The following ADAMTS20 variants were observed in gnomAD, a reference collection of about 807,000 sequenced individuals.
ADAMTS20 encodes the protein A disintegrin and metalloproteinase with thrombospondin motifs 20.
A neutral mutation model predicts 260.1 loss-of-function variants in ADAMTS20; 225 were observed. The ratio of observed to expected loss-of-function variants is 0.87; its 90% confidence interval spans 0.78 to 0.97. ADAMTS20 has a LOEUF of 0.97. Among genes scored for constraint, ADAMTS20 ranks in the 50% least tolerant of loss-of-function variants. ADAMTS20 has a pLI of 0.00. For missense variants in ADAMTS20, 2,400 were observed against 2,337.7 expected (o/e 1.03, Z -0.55); for synonymous variants, 802 against 769.5 (o/e 1.04, Z -0.70).
chr12:43,389,723 T>C (rs1940558113), intron 29 of ADAMTS20, among the ~76,000 whole-genome samples: 1 of 152,142 alleles, frequency 6.6e-6, no homozygotes, highest in South Asian at 2.1e-4. Flanking sequence ...TTTGTTTTTT[T>C]GCCACTTTAG....
chr12:43,390,743 CT>C, intron 29 of ADAMTS20, among the ~76,000 whole-genome samples: 1 of 152,172 alleles, frequency 6.6e-6, no homozygotes, highest in East Asian at 1.9e-4. Flanking sequence ...TAAGAACATT[CT>C]GTTTGCAACT....
At chr12:43,443,433 A>G (rs1299492710) in intron 16 of ADAMTS20, among the ~76,000 whole-genome samples, 1 of 152,108 alleles carries the variant, frequency 6.6e-6, no homozygotes, top group Non-Finnish European at 1.5e-5. Flanking sequence ...AATTAAGAAA[A>G]TTATTTAAAA....
chr12:43,419,216 G>A (rs1483957731), intron 28 of ADAMTS20, among the ~76,000 whole-genome samples: 1 of 151,978 alleles, frequency 6.6e-6, no homozygotes, highest in Non-Finnish European at 1.5e-5. Flanking sequence ...TGTGTGCAAT[G>A]TATGACTATA....
intron 17 of ADAMTS20, 35 bp from the exon 18 acceptor site, chr12:43,439,786 C>G (rs766120061): frequency 6.4e-7 from 1 of 1,573,404 alleles, no homozygotes; most frequent in Non-Finnish European, 8.6e-7. Context: ...ACAATTAATA[C>G]ATAAAAATAT....
In ADAMTS20 at chr12:43,377,550, A is replaced by G. The variant is rs148024788; in HGVS notation, c.4810T>C (p.Cys1604Arg). ...ATCCTTTGTCTGTAACTAAATCCAC[A>G]GTTGTTTGCACACTGAAAAATACAT... ...TADSSQCANNCGFSYRQRITY... is the reference protein window; with the variant it reads ...TADSSQCANNRGFSYRQRITY... The change falls in exon 32 of 39, where the codon TGT becomes CGT. Residue 1604 changes from cysteine (C) to arginine (R), a missense_variant. Physicochemically the swap from Cys to Arg is radical, Grantham distance 180 (BLOSUM62 -3). Coordinates refer to ENST00000389420, the MANE Select transcript of ADAMTS20 (RefSeq NM_025003.5). 2.8e-5 allele frequency: 45 copies of G among 1,611,708 alleles called. No homozygotes were observed. The highest frequency in any genetic ancestry group is 3.7e-5 in the Non-Finnish European group (44 of 1,178,596).
At chr12:43,357,234 T>C (rs565481020) in intron 37 of ADAMTS20, among the ~76,000 whole-genome samples, 2 of 152,302 alleles carry the variant, frequency 1.3e-5, no homozygotes, top group East Asian at 3.9e-4. Context: ...AATTTTACAG[T>C]ACAGATTTAA....
chr12:43,428,574 A>T, intron 25 of ADAMTS20, 43 bp from the exon 26 acceptor site: 1 of 1,494,874 alleles, frequency 6.7e-7, no homozygotes, highest in Non-Finnish European at 8.9e-7. Context: ...ACATTAATTT[A>T]TATTTAATAT....
In ADAMTS20 at chr12:43,452,363, T is replaced by C; in HGVS notation, c.1990A>G (p.Asn664Asp). 1.9e-6 allele frequency: 3 copies of C among 1,613,410 alleles called. No individual in the cohort carries two copies. The highest frequency in any genetic ancestry group is 2.5e-6 in the Non-Finnish European group (3 of 1,179,608). The part of the protein sequence containing the change: ...CKLYCQVAGT[N>D]YFYLLKDMVE... ...ATATCCTTCAATAGGTAGAAATAAT[T>C]GGTTCCAGCAACCTGACAATAGAGT... Residue 664 changes from asparagine to aspartate, a missense_variant, in exon 14 of 39, where the codon AAT becomes GAT. Asn to Asp is a conservative substitution (Grantham distance 23). Transcript: ENST00000389420.
At chr12:43,476,781 T>A (rs1453069471) in intron 7 of ADAMTS20, among the ~76,000 whole-genome samples, 1 of 138,282 alleles carries the variant, frequency 7.2e-6, no homozygotes. Flanking sequence ...CACTCATAGG[T>A]GGGAATTGAA....
In ADAMTS20 at chr12:43,375,488, A is replaced by C. The variant is rs748576510; in HGVS notation, c.5337T>G (p.Pro1779=). 7 of 1,613,342 alleles carry C rather than the reference A, an allele frequency of 4.3e-6. No homozygotes were observed. The highest frequency in any genetic ancestry group is 5.9e-6 in the Non-Finnish European group (7 of 1,179,524). Residue 1779 remains proline, a synonymous_variant, in exon 36 of 39, where the codon CCT becomes CCG. Coordinates refer to ENST00000389420, the MANE Select transcript of ADAMTS20 (RefSeq NM_025003.5). ...GFRLKNPYQC[P]FNGSRREDCE... Reference sequence around the variant, plus strand: ...AGTCTTCCCTTCTACTCCCATTAAAAGGACATTGATATGGATTTTTTAGTC... The same window carrying C: ...AGTCTTCCCTTCTACTCCCATTAAACGGACATTGATATGGATTTTTTAGTC...
intron 3 of ADAMTS20, among the ~76,000 whole-genome samples, chr12:43,523,448 C>T (rs1335968875): frequency 1.3e-5 from 2 of 151,938 alleles, no homozygotes; most frequent in Non-Finnish European, 2.9e-5. Flanking sequence ...ACTCCCTTGG[C>T]CAGAACCAGG....
intron 29 of ADAMTS20, among the ~76,000 whole-genome samples, chr12:43,396,470 T>G (rs1258102514): frequency 6.6e-6 from 1 of 152,206 alleles, no homozygotes; most frequent in East Asian, 1.9e-4. Flanking sequence ...TGTAGTGCAA[T>G]GACAGCTTGC....
intron 4 of ADAMTS20, 33 bp from the exon 5 acceptor site, chr12:43,493,286 TA>T (rs1479841941): frequency 6.4e-6 from 9 of 1,399,106 alleles, no homozygotes; most frequent in Non-Finnish European, 8.8e-6. Context: ...ATTAGTTGTT[TA>T]AAATGAATAT....
At chr12:43,366,043 G>A (rs1012820217) in intron 37 of ADAMTS20, among the ~76,000 whole-genome samples, 7 of 151,724 alleles carry the variant, frequency 4.6e-5, no homozygotes, top group Non-Finnish European at 1.0e-4. Context: ...CAGACATAGC[G>A]ATAGTGATGT....
intron 18 of ADAMTS20, among the ~76,000 whole-genome samples, chr12:43,438,494 C>A (rs903910514): frequency 5.9e-5 from 9 of 152,186 alleles, no homozygotes; most frequent in Admixed American, 3.3e-4. Flanking sequence ...TTGTATCCCT[C>A]CACTGAGACA....
At chr12:43,462,386 A>G (rs1347873388) in intron 11 of ADAMTS20, among the ~76,000 whole-genome samples, 2 of 152,204 alleles carry the variant, frequency 1.3e-5, no homozygotes, top group Non-Finnish European at 2.9e-5. Context: ...ACAGCTTTAG[A>G]TAAGTTCATG....
rs140047239 is a variant in ADAMTS20 at position 43,531,654 on chromosome 12, G to A, written c.613+382C>T. 6.7e-3 allele frequency among the ~76,000 whole-genome samples: 1,020 copies of A among 152,218 alleles called. 9 individuals carry two copies. Among genetic ancestry groups the A allele is most frequent in the African/African-American group, 0.022 (934 of 41,534 alleles). On this transcript the variant is annotated intron_variant, in intron 3 of 38. Coordinates refer to ENST00000389420, the MANE Select transcript of ADAMTS20 (RefSeq NM_025003.5). ...ACAGTTGCAGGCGGGAAGGAAAGAT[G>A]TTGTTCAAAGGGCATAAAATTTCAG...
chr12:43,423,377 C>T (rs1436685513), intron 28 of ADAMTS20: 1 of 196,908 alleles, frequency 5.1e-6, no homozygotes, highest in East Asian at 1.2e-4. Flanking sequence ...GACTCACAAA[C>T]ACTTAATTTT....
intron 29 of ADAMTS20, among the ~76,000 whole-genome samples, chr12:43,397,879 A>C (rs542120444): frequency 6.6e-6 from 1 of 152,278 alleles, no homozygotes. Flanking sequence ...TGAGATTTTT[A>C]CTCAATTTGG....
Sources: allele counts gnomAD v4.1 joint callset (sites outside exome capture counted in the v4.1 genomes callset), GRCh38; gene constraint gnomAD v4.1.1; transcripts MANE v1.5; gene names NCBI Gene and HGNC (gene_info 2026-07-23, HGNC 2026-07-21).